RIMS1: variants seen among roughly 807,000 people sequenced by gnomAD.
RIMS1 encodes regulating synaptic membrane exocytosis 1, also known as regulating synaptic membrane exocytosis protein 1.
Under a neutral mutation model 214.1 loss-of-function variants are expected in RIMS1, and 83 were observed. That is an observed-to-expected ratio of 0.39 (90% CI 0.32 to 0.47). RIMS1 has a LOEUF of 0.47. RIMS1 is among the 20% of genes least tolerant of loss of function. The pLI is 0.99. For missense variants in RIMS1, 2,050 were observed against 2,161.8 expected (o/e 0.95, Z 1.03); for synonymous variants, 793 against 786.8 (o/e 1.01, Z -0.13).
At chr6:72,185,498 T>A (rs553302474) in intron 6 of RIMS1, among the ~76,000 whole-genome samples, 8 of 152,212 alleles carry the variant, frequency 5.3e-5, no homozygotes, top group African/African-American at 1.4e-4. Flanking sequence ...ACCAGAGGGA[T>A]TAACAGAAGA....
At chr6:72,333,967 C>G in intron 29 of RIMS1, 132 bp downstream of exon 29, 1 of 673,504 alleles carries the variant, frequency 1.5e-6, no homozygotes, top group East Asian at 2.8e-5. Context: ...ATTTTTCTGT[C>G]TCTGAAAATC....
At chr6:71,964,734 C>G (rs1246235034) in intron 1 of RIMS1, among the ~76,000 whole-genome samples, 1 of 151,960 alleles carries the variant, frequency 6.6e-6, no homozygotes, top group Middle Eastern at 3.2e-3. Flanking sequence ...TTTGAGAGGT[C>G]TGTTAAATAC....
intron 2 of RIMS1, among the ~76,000 whole-genome samples, chr6:72,024,231 C>T (rs1368113999): frequency 1.3e-5 from 2 of 151,864 alleles, no homozygotes; most frequent in Non-Finnish European, 2.9e-5. Context: ...TTCTTTGTTC[C>T]TCATTGTAAT....
chr6:72,024,236 T>C (rs1815641929), intron 2 of RIMS1, among the ~76,000 whole-genome samples: 1 of 152,144 alleles, frequency 6.6e-6, no homozygotes, highest in Non-Finnish European at 1.5e-5. Context: ...TGTTCCTCAT[T>C]GTAATGTATG....
intron 4 of RIMS1, among the ~76,000 whole-genome samples, chr6:72,134,723 C>T (rs781184014): frequency 9.2e-5 from 14 of 152,054 alleles, no homozygotes; most frequent in Non-Finnish European, 1.6e-4. Flanking sequence ...TTTCATTTGA[C>T]TGTCACATTT....
intron 4 of RIMS1, among the ~76,000 whole-genome samples, chr6:72,148,371 A>G (rs74994599): frequency 0.012 from 1,865 of 152,256 alleles, 12 homozygotes; most frequent in Non-Finnish European, 0.017. Context: ...AAAACCTGGG[A>G]TACAAGAGGG....
At chr6:72,243,334 T>A (rs2067845957) in intron 10 of RIMS1, among the ~76,000 whole-genome samples, 1 of 151,696 alleles carries the variant, frequency 6.6e-6, no homozygotes, top group African/African-American at 2.4e-5. Context: ...TCTCAAAGAA[T>A]GAAAATGTAT....
At chr6:71,894,016 A>G (rs1232187569) in intron 1 of RIMS1, among the ~76,000 whole-genome samples, 1 of 152,224 alleles carries the variant, frequency 6.6e-6, no homozygotes, top group African/African-American at 2.4e-5. Flanking sequence ...TCTTCCCCAA[A>G]TTCTTCATTT....
rs146106543 is a variant in RIMS1 at position 71,976,423 on chromosome 6, T to C, written c.245+7360T>C. Among the ~76,000 whole-genome samples the C allele has an allele frequency of 8.9e-4, 136 of 152,262 alleles. 2 individuals carry two copies. The highest frequency in any genetic ancestry group is 3.4e-3 in the Middle Eastern group (1 of 294). On this transcript the variant is annotated intron_variant, in intron 2 of 33. Transcript: ENST00000521978. ...AAAATTGGGTTTTCTCTAAGGATGATCTTTCAAAATATGTGTTATTTGTCT... is the reference window on the plus strand; with the variant it reads ...AAAATTGGGTTTTCTCTAAGGATGACCTTTCAAAATATGTGTTATTTGTCT...
chr6:72,088,538 G>A (rs192633786), intron 2 of RIMS1, among the ~76,000 whole-genome samples: 24 of 152,194 alleles, frequency 1.6e-4, no homozygotes, highest in African/African-American at 5.8e-4. Context: ...GATTGCAGAC[G>A]TGAGCCACTG....
At chr6:72,132,481 G>A (rs552012273) in intron 4 of RIMS1, among the ~76,000 whole-genome samples, 1 of 152,102 alleles carries the variant, frequency 6.6e-6, no homozygotes, top group African/African-American at 2.4e-5. Flanking sequence ...TATTTATTGG[G>A]TACATAATAT....
intron 2 of RIMS1, among the ~76,000 whole-genome samples, chr6:72,081,503 C>A (rs1038950711): frequency 4.6e-5 from 7 of 152,088 alleles, no homozygotes; most frequent in Admixed American, 4.6e-4. Flanking sequence ...AATGACTGCT[C>A]CTAGCTTTGT....
intron 6 of RIMS1, among the ~76,000 whole-genome samples, chr6:72,194,020 A>G (rs1252745112): frequency 6.6e-6 from 1 of 152,186 alleles, no homozygotes; most frequent in Non-Finnish European, 1.5e-5. Context: ...TGTGTTCTAT[A>G]GGAATACATT....
chr6:71,960,743 C>T (rs1792696699), intron 1 of RIMS1, among the ~76,000 whole-genome samples: 1 of 151,994 alleles, frequency 6.6e-6, no homozygotes, highest in Admixed American at 6.6e-5. Context: ...TCTAAGCAGG[C>T]TTCAGATGTG....
intron 1 of RIMS1, among the ~76,000 whole-genome samples, chr6:71,936,049 T>C (rs1248587321): frequency 6.6e-6 from 1 of 152,044 alleles, no homozygotes; most frequent in Admixed American, 6.5e-5. Context: ...AGTTTTAAGC[T>C]TGAAGAAAAG....
intron 1 of RIMS1, among the ~76,000 whole-genome samples, chr6:71,964,549 C>T (rs898322984): frequency 6.6e-6 from 1 of 152,060 alleles, no homozygotes; most frequent in Non-Finnish European, 1.5e-5. Flanking sequence ...TTAGAAAATA[C>T]GTCCAGTCTG....
chr6:72,108,968 G>A (rs2035402251), intron 4 of RIMS1, among the ~76,000 whole-genome samples: 1 of 149,980 alleles, frequency 6.7e-6, no homozygotes, highest in Non-Finnish European at 1.5e-5. Flanking sequence ...TTTTGTTCTT[G>A]CGATAGTTTA....
At chr6:72,256,506 A>T (rs944568021) in intron 16 of RIMS1, among the ~76,000 whole-genome samples, 59 of 152,116 alleles carry the variant, frequency 3.9e-4, no homozygotes, top group African/African-American at 1.4e-3. Flanking sequence ...TCTAAAATTT[A>T]TTCTGTAATA....
intron 29 of RIMS1, among the ~76,000 whole-genome samples, chr6:72,341,344 G>A (rs2097084992): frequency 6.6e-6 from 1 of 151,680 alleles, no homozygotes; most frequent in South Asian, 2.1e-4. Context: ...CCTGGGATAT[G>A]AGAAAGAAAT....
Sources: gnomAD v4.1 joint callset for allele counts (sites outside exome capture counted in the v4.1 genomes callset) on GRCh38, gnomAD v4.1.1 for gene constraint, MANE v1.5 for transcripts, NCBI Gene and HGNC (gene_info 2026-07-23, HGNC 2026-07-21) for gene names.